The following NRXN3 variants were observed in gnomAD, a reference collection of about 807,000 sequenced individuals.
NRXN3 encodes neurexin 3.
Under a neutral mutation model 137.6 loss-of-function variants are expected in NRXN3, and 32 were observed. That is an observed-to-expected ratio of 0.23 (90% confidence interval 0.18 to 0.31). The LOEUF (loss-of-function observed/expected upper bound fraction) is 0.31. NRXN3 is among the 10% of genes least tolerant of loss of function. NRXN3 has a pLI of 1.00. For synonymous variants in NRXN3, 798 were observed against 784.5 expected (o/e 1.02, Z -0.29); for missense variants, 1,574 against 2,062.5 (o/e 0.76, Z 4.59).
chr14:79,592,602 A>G (rs1268405729), intron 16 of NRXN3, among the ~76,000 whole-genome samples: 4 of 152,146 alleles, frequency 2.6e-5, no homozygotes, highest in African/African-American at 9.7e-5. Flanking sequence ...AGTTAAGATC[A>G]ATTAACCAAT....
intron 8 of NRXN3, among the ~76,000 whole-genome samples, chr14:78,740,270 T>C (rs541510696): frequency 1.3e-5 from 2 of 152,308 alleles, no homozygotes; most frequent in East Asian, 3.9e-4. Context: ...CTGGTTAAAC[T>C]GACTCCATTT....
intron 8 of NRXN3, among the ~76,000 whole-genome samples, chr14:78,739,515 C>T (rs980802641): frequency 5.9e-5 from 9 of 152,136 alleles, no homozygotes; most frequent in South Asian, 2.1e-4. Context: ...ATTGTTGATG[C>T]GGCTGGAGTA....
At chr14:79,431,029 T>G (rs1164840745) in intron 15 of NRXN3, among the ~76,000 whole-genome samples, 2 of 152,172 alleles carry the variant, frequency 1.3e-5, no homozygotes, top group Non-Finnish European at 2.9e-5. Context: ...TCTCACTGAG[T>G]ACTATACATC....
intron 16 of NRXN3, among the ~76,000 whole-genome samples, chr14:79,567,314 T>C (rs570428995): frequency 6.6e-6 from 1 of 152,176 alleles, no homozygotes; most frequent in South Asian, 2.1e-4. Context: ...ATTTTGTATT[T>C]ATGCAAGAAA....
At chr14:78,389,180 C>T (rs188989996) in intron 4 of NRXN3, among the ~76,000 whole-genome samples, 11 of 151,998 alleles carry the variant, frequency 7.2e-5, no homozygotes, top group African/African-American at 2.4e-4. Context: ...CTCAGCCTCC[C>T]GAGTAGCTGG....
chr14:78,455,682 A>T (rs560171506), intron 4 of NRXN3, among the ~76,000 whole-genome samples: 1 of 152,282 alleles, frequency 6.6e-6, no homozygotes, highest in Admixed American at 6.5e-5. Context: ...CAAGAAGTCG[A>T]TTAGTACTGC....
Position 79,770,505 on chromosome 14 carries a change from A to C in NRXN3, c.4015-34607A>C, listed in dbSNP as rs989645594. ...CCGCTCAACTACATGGAAACTGAAC[A>C]ACCTGCTCCTGAATGACTACTGGGT... On this transcript the variant is annotated intron_variant, in intron 19 of 20. Coordinates refer to ENST00000335750, the MANE Select transcript of NRXN3 (RefSeq NM_001330195.2). Among the ~76,000 whole-genome samples, 559 of 136,102 alleles carry C rather than the reference A, an allele frequency of 4.1e-3. 2 individuals are homozygous for C. Among genetic ancestry groups the C allele is most frequent in the African/African-American group, 0.015 (532 of 35,714 alleles). The allele number at this position is 136,102 out of a possible 152,430, so 89.3% of individuals were successfully genotyped here. A position where few individuals can be genotyped will look rare whatever the true frequency, so the allele number is the denominator to read the frequency against.
chr14:78,613,536 CAG>C (rs931457885), intron 4 of NRXN3, among the ~76,000 whole-genome samples: 2 of 146,964 alleles, frequency 1.4e-5, no homozygotes, highest in Admixed American at 1.4e-4. Flanking sequence ...AAAGGGGGCA[CAG>C]AGTCTTTAAG....
intron 4 of NRXN3, among the ~76,000 whole-genome samples, chr14:78,590,779 G>A (rs1170173715): frequency 1.3e-5 from 2 of 152,126 alleles, no homozygotes; most frequent in African/African-American, 4.8e-5. Context: ...GCTGGGTGTG[G>A]TGGCACGTGG....
At chr14:78,415,072 C>T (rs1293895045) in intron 4 of NRXN3, among the ~76,000 whole-genome samples, 1 of 152,120 alleles carries the variant, frequency 6.6e-6, no homozygotes, top group Non-Finnish European at 1.5e-5. Flanking sequence ...AGAGTAAAAA[C>T]CCAGGCTTTG....
At chr14:79,287,210 C>A (rs2082415416) in intron 15 of NRXN3, among the ~76,000 whole-genome samples, 1 of 152,112 alleles carries the variant, frequency 6.6e-6, no homozygotes, top group Non-Finnish European at 1.5e-5. Flanking sequence ...AAACACTTTA[C>A]TGTATTTTCA....
At chr14:79,813,529 TGAGA>T (rs1191698091) in intron 20 of NRXN3, among the ~76,000 whole-genome samples, 1 of 152,198 alleles carries the variant, frequency 6.6e-6, no homozygotes, top group Non-Finnish European at 1.5e-5. Context: ...TTTCAAATAC[TGAGA>T]GATATATAGA....
intron 15 of NRXN3, among the ~76,000 whole-genome samples, chr14:79,346,767 T>A (rs1033185596): frequency 7.9e-5 from 12 of 152,190 alleles, no homozygotes; most frequent in Non-Finnish European, 1.6e-4. Flanking sequence ...ACATCTCGCC[T>A]CAGTGAAGAG....
chr14:79,728,561 A>G (rs1012141908), intron 19 of NRXN3, among the ~76,000 whole-genome samples: 1 of 152,226 alleles, frequency 6.6e-6, no homozygotes, highest in African/African-American at 2.4e-5. Flanking sequence ...AGGCAAGAAG[A>G]GACTTTTTCA....
chr14:78,483,146 C>A (rs2095501338), intron 4 of NRXN3, among the ~76,000 whole-genome samples: 1 of 152,140 alleles, frequency 6.6e-6, no homozygotes. Context: ...GTGATCATGA[C>A]TATTATCACA....
At chr14:78,358,713 CTT>C (rs1428223639) in intron 4 of NRXN3, among the ~76,000 whole-genome samples, 1 of 152,186 alleles carries the variant, frequency 6.6e-6, no homozygotes, top group Admixed American at 6.5e-5. Context: ...GATCCTGTCT[CTT>C]GGGATAAATC....
At chr14:78,325,723 T>C (rs2153563909) in intron 4 of NRXN3, among the ~76,000 whole-genome samples, 1 of 152,106 alleles carries the variant, frequency 6.6e-6, no homozygotes, top group East Asian at 1.9e-4. Flanking sequence ...AGCTCTGCTA[T>C]AGCTGACCTT....
chr14:79,456,123 C>T (rs1439123338), intron 15 of NRXN3, among the ~76,000 whole-genome samples: 1 of 152,006 alleles, frequency 6.6e-6, no homozygotes, highest in African/African-American at 2.4e-5. Context: ...ACTGTTTGTT[C>T]AATAACTTAA....
chr14:79,605,774 A>G (rs113579820), intron 16 of NRXN3, among the ~76,000 whole-genome samples: 1 of 152,180 alleles, frequency 6.6e-6, no homozygotes, highest in African/African-American at 2.4e-5. Context: ...ATAGGCATGA[A>G]CCACTGCGCC....
Sources: gnomAD v4.1 joint callset for allele counts (sites outside exome capture counted in the v4.1 genomes callset) on GRCh38, gnomAD v4.1.1 for gene constraint, MANE v1.5 for transcripts, NCBI Gene and HGNC (gene_info 2026-07-23, HGNC 2026-07-21) for gene names.